RIMS2: variants seen among roughly 807,000 people sequenced by gnomAD.
RIMS2 encodes the protein regulating synaptic membrane exocytosis 2.
Under a neutral mutation model 174.4 loss-of-function variants are expected in RIMS2, and 59 were observed. That is an observed-to-expected ratio of 0.34 (90% CI 0.27 to 0.42). The LOEUF is 0.42. Ranked by LOEUF, RIMS2 falls within the 10% of genes least tolerant of loss-of-function variation. RIMS2 has a pLI of 1.00. For missense variants in RIMS2, 1,620 were observed against 1,666.3 expected, an observed-to-expected ratio of 0.97 and a Z score of 0.48; for synonymous variants, 606 against 572.5, an observed-to-expected ratio of 1.06 and a Z score of -0.84.
chr8:103,856,125 T>C (rs912020111), intron 3 of RIMS2, among the ~76,000 whole-genome samples: 1 of 152,230 alleles, frequency 6.6e-6, no homozygotes, highest in Non-Finnish European at 1.5e-5. Flanking sequence ...TTATAATGTC[T>C]TTGTCTTTCT....
At chr8:104,182,450 A>G (rs768822611) in intron 19 of RIMS2, among the ~76,000 whole-genome samples, 29 of 151,846 alleles carry the variant, frequency 1.9e-4, no homozygotes, top group Admixed American at 4.6e-4. Context: ...AGAGATATGT[A>G]CAACCATCTC....
At chr8:103,734,014 CTTTTTTT>C (rs59348302) in intron 2 of RIMS2, among the ~76,000 whole-genome samples, 53 of 85,736 alleles carry the variant, frequency 6.2e-4, no homozygotes, top group Middle Eastern at 0.011. Flanking sequence ...CTAAAAGCTT[CTTTTTTT>C]TTTTTTTTTT....
At chr8:104,038,301 C>T (rs2154557263) in intron 19 of RIMS2, among the ~76,000 whole-genome samples, 1 of 151,904 alleles carries the variant, frequency 6.6e-6, no homozygotes, top group East Asian at 1.9e-4. Flanking sequence ...AAATACCGCA[C>T]TTGTTTTTGT....
rs112262979 is a variant in RIMS2, at chr8:103,773,686, C to T, written c.698+7149C>T. Among the ~76,000 whole-genome samples the T allele has an allele frequency of 4.3e-4, 66 of 152,062 alleles. 1 individual carries two copies. Among genetic ancestry groups the T allele is most frequent in the African/African-American group, 1.5e-3 (63 of 41,464 alleles). On this transcript the variant is annotated intron_variant, in intron 3 of 23. Transcript: ENST00000504942. ...TGGAGGTTGCGGTGAGCTGAGATGG[C>T]GCCATTGCACTCCAGCCTGGGCGAC... is the stretch of plus-strand genomic sequence containing the variant.
chr8:103,654,734 G>A (rs2096502692), intron 1 of RIMS2, among the ~76,000 whole-genome samples: 1 of 151,892 alleles, frequency 6.6e-6, no homozygotes, highest in South Asian at 2.1e-4. Flanking sequence ...TGAATACTAT[G>A]TGAGTGGGAT....
intron 1 of RIMS2, among the ~76,000 whole-genome samples, chr8:103,642,224 AT>A (rs995822829): frequency 3.9e-5 from 6 of 152,076 alleles, no homozygotes; most frequent in African/African-American, 1.4e-4. Flanking sequence ...TCCTTTTAAA[AT>A]TTTATTTTGG....
At chr8:104,048,418 T>G (rs986113058) in intron 19 of RIMS2, among the ~76,000 whole-genome samples, 1 of 152,056 alleles carries the variant, frequency 6.6e-6, no homozygotes, top group Non-Finnish European at 1.5e-5. Flanking sequence ...TGCCTGTATG[T>G]GGAGAGAAAA....
In RIMS2 at chr8:103,556,308, A is replaced by C. The variant is rs190295005; in HGVS notation, c.176+55246A>C. On this transcript the variant is annotated intron_variant, in intron 1 of 23. Transcript: ENST00000504942. ...TGTGCACCATGAATATATACAATTTATACTACTTGTCAATTAAAAAATGAA... is the reference window on the plus strand; with the variant it reads ...TGTGCACCATGAATATATACAATTTCTACTACTTGTCAATTAAAAAATGAA... Among the ~76,000 whole-genome samples, 295 of 152,320 alleles carry C rather than the reference A, an allele frequency of 1.9e-3. 1 individual carries two copies. Among genetic ancestry groups the C allele is most frequent in the Non-Finnish European group, 3.7e-3 (249 of 68,012 alleles).
chr8:103,995,640 G>A (rs1258247627), intron 17 of RIMS2, among the ~76,000 whole-genome samples: 1 of 152,030 alleles, frequency 6.6e-6, no homozygotes, highest in Non-Finnish European at 1.5e-5. Context: ...AAGTAGTTTA[G>A]AACTTTTAGG....
chr8:103,636,824 G>A (rs1410559887), intron 1 of RIMS2, among the ~76,000 whole-genome samples: 2 of 114,676 alleles, frequency 1.7e-5, no homozygotes, highest in East Asian at 4.7e-4. Flanking sequence ...ATACCAATCT[G>A]CGTTTTGGGG....
intron 1 of RIMS2, among the ~76,000 whole-genome samples, chr8:103,687,796 A>C (rs1329853382): frequency 6.6e-6 from 1 of 152,162 alleles, no homozygotes; most frequent in Non-Finnish European, 1.5e-5. Flanking sequence ...TTCACTTAAC[A>C]TAATGTCCTC....
chr8:103,724,718 C>T (rs1307397535), intron 2 of RIMS2, among the ~76,000 whole-genome samples: 2 of 152,102 alleles, frequency 1.3e-5, no homozygotes, highest in Admixed American at 1.3e-4. Flanking sequence ...TGTCATAATA[C>T]TATTTATTGA....
chr8:103,922,646 C>T (rs994863790), intron 10 of RIMS2: 57 of 394,274 alleles, frequency 1.4e-4, no homozygotes, highest in African/African-American at 1.1e-3. Context: ...AAAAAAGTTA[C>T]AGTTAAAAAC....
chr8:103,598,224 A>G (rs2094552381), intron 1 of RIMS2, among the ~76,000 whole-genome samples: 1 of 152,188 alleles, frequency 6.6e-6, no homozygotes, highest in Non-Finnish European at 1.5e-5. Context: ...GAGCCCCAGA[A>G]TAACATTACT....
At chr8:104,179,043 T>C (rs1286121736) in intron 19 of RIMS2, among the ~76,000 whole-genome samples, 1 of 152,168 alleles carries the variant, frequency 6.6e-6, no homozygotes, top group African/African-American at 2.4e-5. Context: ...GAGCAATTCC[T>C]AGACATTATC....
chr8:103,750,284 T>C (rs1186722724), intron 2 of RIMS2, among the ~76,000 whole-genome samples: 1 of 152,170 alleles, frequency 6.6e-6, no homozygotes, highest in Non-Finnish European at 1.5e-5. Flanking sequence ...GTGATATTAA[T>C]TAGAAGAATT....
At chr8:103,769,556 A>C (rs116027595) in intron 3 of RIMS2, among the ~76,000 whole-genome samples, 23,912 of 152,110 alleles carry the variant, frequency 0.16, 1,990 homozygotes, top group Middle Eastern at 0.25. Flanking sequence ...ATATTCCTGA[A>C]CTGAGATGAT....
At chr8:103,937,188 G>A (rs2154535880) in intron 13 of RIMS2, among the ~76,000 whole-genome samples, 1 of 152,196 alleles carries the variant, frequency 6.6e-6, no homozygotes, top group South Asian at 2.1e-4. Flanking sequence ...TTCTTTAATG[G>A]AATGTATTTC....
exon 14 of RIMS2, chr8:103,942,904 G>C: frequency 6.2e-7 from 1 of 1,611,526 alleles, no homozygotes; most frequent in South Asian, 1.1e-5. Context: ...TCCATGGAGA[G>C]AGCCCAACAC....
Sources: allele counts gnomAD v4.1 joint callset (sites outside exome capture counted in the v4.1 genomes callset), GRCh38; gene constraint gnomAD v4.1.1; transcripts MANE v1.5; gene names NCBI Gene and HGNC (gene_info 2026-07-23, HGNC 2026-07-21).